Variants in ASTN2 observed in about 807,000 individuals in gnomAD.
ASTN2 encodes astrotactin 2, also known as astrotactin-2.
ASTN2 carries 54 observed loss-of-function variants against 139.8 expected under a neutral mutation model. That is an observed-to-expected ratio of 0.39 (90% CI 0.31 to 0.48). The LOEUF (loss-of-function observed/expected upper bound fraction) is 0.48. Ranked by LOEUF, ASTN2 falls within the 20% of genes least tolerant of loss-of-function variation. The pLI, the probability that ASTN2 is intolerant of heterozygous loss-of-function variation, is 0.95. For synonymous variants in ASTN2, 756 were observed against 719.5 expected (o/e 1.05, Z -0.81); for missense variants, 1,565 against 1,725.1 (o/e 0.91, Z 1.64).
chr9:116,464,677 T>C (rs962755085), intron 20 of ASTN2, among the ~76,000 whole-genome samples: 3 of 152,192 alleles, frequency 2.0e-5, no homozygotes, highest in African/African-American at 7.2e-5. Context: ...GACTAACATA[T>C]TGAGTTCTGT....
intron 19 of ASTN2, among the ~76,000 whole-genome samples, chr9:116,535,469 C>T (rs1342078508): frequency 2.6e-5 from 4 of 152,112 alleles, no homozygotes; most frequent in Admixed American, 2.6e-4. Context: ...ATGGTCTTTG[C>T]AATTTGGCGT....
chr9:116,599,698 AGTGGG>A (rs1434427041), intron 19 of ASTN2, among the ~76,000 whole-genome samples: 10 of 152,222 alleles, frequency 6.6e-5, no homozygotes, highest in African/African-American at 2.4e-4. Flanking sequence ...AGGTGCCCCT[AGTGGG>A]GAGAAAAACA....
At chr9:116,564,685 G>A (rs991346853) in intron 19 of ASTN2, among the ~76,000 whole-genome samples, 3 of 152,096 alleles carry the variant, frequency 2.0e-5, no homozygotes, top group Admixed American at 6.5e-5. Flanking sequence ...GAAAGGATTC[G>A]AGAGTTTTCT....
intron 20 of ASTN2, among the ~76,000 whole-genome samples, chr9:116,459,532 A>G (rs1460913420): frequency 6.6e-6 from 1 of 152,086 alleles, no homozygotes; most frequent in African/African-American, 2.4e-5. Flanking sequence ...TGTCATGTCT[A>G]GAATATATAA....
intron 13 of ASTN2, among the ~76,000 whole-genome samples, chr9:116,768,032 C>A (rs928428552): frequency 3.9e-5 from 6 of 152,022 alleles, no homozygotes; most frequent in African/African-American, 1.4e-4. Context: ...CAAAACAAAT[C>A]AGAAAAATAA....
At chr9:117,007,104 G>A (rs1837376384) in intron 7 of ASTN2, among the ~76,000 whole-genome samples, 1 of 152,042 alleles carries the variant, frequency 6.6e-6, no homozygotes, top group African/African-American at 2.4e-5. Flanking sequence ...CTTCTGCCTG[G>A]AACACGTCCC....
At chr9:117,316,376 A>G (rs112210482) in intron 1 of ASTN2, among the ~76,000 whole-genome samples, 2,695 of 152,150 alleles carry the variant, frequency 0.018, 33 homozygotes, top group African/African-American at 0.024. Flanking sequence ...AGAGGGAGAG[A>G]ATGAATGACA....
Position 117,023,046 on chromosome 9 carries a change from G to A in ASTN2, c.1424-14787C>T, listed in dbSNP as rs540568025. Among the ~76,000 whole-genome samples the A allele has an allele frequency of 7.0e-4, 107 of 152,242 alleles. 2 individuals carry two copies. In the South Asian group the frequency reaches 0.022, roughly 31 times the overall value. ...AATAAATGAGAGGGGTGGGGTAAAGGAAGGGGGAGGAATGACTAAAGCTGT... is the reference window on the plus strand; with the variant it reads ...AATAAATGAGAGGGGTGGGGTAAAGAAAGGGGGAGGAATGACTAAAGCTGT... On this transcript the variant is annotated intron_variant, in intron 6 of 22. Transcript: ENST00000313400.
intron 10 of ASTN2, among the ~76,000 whole-genome samples, chr9:116,906,617 G>A (rs1834169026): frequency 6.6e-6 from 1 of 152,098 alleles, no homozygotes; most frequent in Admixed American, 6.5e-5. Context: ...TTTCTTATGT[G>A]CCCCTCACCA....
intron 11 of ASTN2, among the ~76,000 whole-genome samples, chr9:116,842,752 G>T (rs1832302188): frequency 6.9e-6 from 1 of 144,450 alleles, no homozygotes; most frequent in Non-Finnish European, 1.5e-5. Flanking sequence ...TGGGGCGGGG[G>T]GAGGGCATGC....
At chr9:116,742,477 C>A (rs979387016) in intron 13 of ASTN2, among the ~76,000 whole-genome samples, 6 of 152,270 alleles carry the variant, frequency 3.9e-5, no homozygotes, top group Non-Finnish European at 2.9e-5. Flanking sequence ...GAAGTCAAAC[C>A]ACCCCTCATT....
chr9:117,376,024 C>A (rs542054968), intron 1 of ASTN2, among the ~76,000 whole-genome samples: 3 of 152,112 alleles, frequency 2.0e-5, no homozygotes, highest in African/African-American at 7.2e-5. Context: ...TTACATAGGG[C>A]CCACCTAGAT....
chr9:116,789,219 A>G (rs1386229587), intron 13 of ASTN2, among the ~76,000 whole-genome samples: 1 of 152,194 alleles, frequency 6.6e-6, no homozygotes, highest in Non-Finnish European at 1.5e-5. Context: ...GAAAGCATCA[A>G]AAAGAAAGGG....
intron 7 of ASTN2, among the ~76,000 whole-genome samples, chr9:116,990,299 G>A (rs1002880244): frequency 6.6e-6 from 1 of 151,988 alleles, no homozygotes; most frequent in East Asian, 1.9e-4. Context: ...ACAAAGTCTC[G>A]CTCTGTCACC....
chr9:117,092,263 CT>C lies in ASTN2; in HGVS notation c.1276+3780del, dbSNP rs202127168. ...TAATCTGAAACGCTCAGTTCAATAA[CT>C]TTGTCTTCCAAAATCTTCTAACATC... is the stretch of plus-strand genomic sequence containing the variant. On this transcript the variant is annotated intron_variant, in intron 5 of 22. Coordinates refer to ENST00000313400, the MANE Select transcript of ASTN2 (RefSeq NM_001365068.1). Among the ~76,000 whole-genome samples the C allele has an allele frequency of 6.6e-4, 101 of 152,164 alleles. No homozygotes were observed. The East Asian group carries it at 0.015, about 22-fold the overall frequency.
intron 21 of ASTN2, 94 bp downstream of exon 21, chr9:116,442,359 G>A (rs2302827): frequency 0.36 from 333,557 of 936,880 alleles, 62,210 homozygotes; most frequent in Admixed American, 0.54. Context: ...GTGTCAGGGT[G>A]TGCGTGTGTG....
intron 13 of ASTN2, among the ~76,000 whole-genome samples, chr9:116,741,467 G>T (rs1829094831): frequency 6.6e-6 from 1 of 152,124 alleles, no homozygotes; most frequent in Admixed American, 6.6e-5. Flanking sequence ...ATATTCCCTG[G>T]TGTACACTGT....
intron 4 of ASTN2, among the ~76,000 whole-genome samples, chr9:117,139,313 T>C (rs887769513): frequency 6.6e-6 from 1 of 152,224 alleles, no homozygotes; most frequent in South Asian, 2.1e-4. Flanking sequence ...TCTTCTGATG[T>C]AGGGCTTGGC....
intron 12 of ASTN2, among the ~76,000 whole-genome samples, chr9:116,810,469 T>C (rs1019992951): frequency 6.6e-6 from 1 of 152,184 alleles, no homozygotes; most frequent in Non-Finnish European, 1.5e-5. Flanking sequence ...ATGTGTGCCT[T>C]TTAGAGTGAA....
Sources: gnomAD v4.1 joint callset for allele counts (sites outside exome capture counted in the v4.1 genomes callset) on GRCh38, gnomAD v4.1.1 for gene constraint, MANE v1.5 for transcripts, NCBI Gene and HGNC (gene_info 2026-07-23, HGNC 2026-07-21) for gene names.